Variants in SLC16A7 observed in about 807,000 individuals in gnomAD.
SLC16A7 encodes monocarboxylate transporter 2.
A neutral mutation model predicts 34.9 loss-of-function variants in SLC16A7; 33 were observed. The ratio of observed to expected loss-of-function variants is 0.94; its 90% CI spans 0.72 to 1.26. The LOEUF (loss-of-function observed/expected upper bound fraction) is 1.26. SLC16A7 is among the 50% of genes most tolerant of loss of function. SLC16A7 has a pLI of 0.00. For missense variants in SLC16A7, 573 were observed against 578.1 expected, an observed-to-expected ratio of 0.99 and a Z score of 0.09; for synonymous variants, 201 against 206.6, an observed-to-expected ratio of 0.97 and a Z score of 0.23.
chr12:59,766,955 T>A (rs1881713803), intron 3 of SLC16A7, among the ~76,000 whole-genome samples: 1 of 152,110 alleles, frequency 6.6e-6, no homozygotes, highest in Non-Finnish European at 1.5e-5. Flanking sequence ...TGAATCCATC[T>A]GGTCCTGGGC....
At chr12:59,761,207 A>G (rs576230108) in intron 3 of SLC16A7, 6 of 1,166,000 alleles carry the variant, frequency 5.1e-6, no homozygotes, top group African/African-American at 4.7e-5. Context: ...GCCTAGGTAC[A>G]TGAAACTGTA....
At chr12:59,626,095 A>G (rs1232978186) in intron 1 of SLC16A7, among the ~76,000 whole-genome samples, 1 of 151,854 alleles carries the variant, frequency 6.6e-6, no homozygotes, top group African/African-American at 2.4e-5. Context: ...AAAAAAGAAT[A>G]TATCAGTAGG....
intron 3 of SLC16A7, among the ~76,000 whole-genome samples, chr12:59,727,269 AAC>A (rs1255921714): frequency 6.6e-6 from 1 of 151,946 alleles, no homozygotes; most frequent in Non-Finnish European, 1.5e-5. Flanking sequence ...TGATGACGTT[AAC>A]AGTTTCATCA....
At chr12:59,618,863 T>G (rs1472420228) in intron 1 of SLC16A7, among the ~76,000 whole-genome samples, 5 of 152,102 alleles carry the variant, frequency 3.3e-5, no homozygotes, top group African/African-American at 1.2e-4. Context: ...TAATAAATGA[T>G]ATCTTTGATA....
At position 59,763,152 on chromosome 12, in the gene SLC16A7, T is replaced by C. The variant is rs139584235; in HGVS notation, c.218-8067T>C. The stretch of plus-strand genomic sequence containing the variant: ...AAACATTGACTAGAAATGTCCCTTT[T>C]AATGAAATCAATAGGCATCCTGTAT... On this transcript the variant is annotated intron_variant, in intron 3 of 5. Transcript: ENST00000547379. Among the ~76,000 whole-genome samples, 211 of 152,192 alleles carry C rather than the reference T, an allele frequency of 1.4e-3. 1 individual carries two copies. Among genetic ancestry groups the C allele is most frequent in the Middle Eastern group, 6.8e-3 (2 of 294 alleles).
At chr12:59,606,089 T>G (rs1446895298) in intron 1 of SLC16A7, among the ~76,000 whole-genome samples, 1 of 152,226 alleles carries the variant, frequency 6.6e-6, no homozygotes, top group Non-Finnish European at 1.5e-5. Flanking sequence ...CATTCCATTC[T>G]GTACAAAAGT....
intron 1 of SLC16A7, among the ~76,000 whole-genome samples, chr12:59,633,710 C>T (rs904818004): frequency 2.6e-5 from 4 of 151,450 alleles, no homozygotes; most frequent in Admixed American, 6.6e-5. Flanking sequence ...AGGAAACTTA[C>T]GGTCATGGTG....
At chr12:59,737,332 C>A (rs181596331) in intron 3 of SLC16A7, among the ~76,000 whole-genome samples, 3 of 152,166 alleles carry the variant, frequency 2.0e-5, no homozygotes, top group Non-Finnish European at 4.4e-5. Context: ...GTTAAAAATG[C>A]CAGTGTTTGG....
At chr12:59,684,477 C>T (rs964301553) in intron 2 of SLC16A7, among the ~76,000 whole-genome samples, 1 of 152,208 alleles carries the variant, frequency 6.6e-6, no homozygotes, top group Admixed American at 6.5e-5. Context: ...GTGCTCCCCA[C>T]TCAGCTGCTG....
chr12:59,751,742 G>A (rs2054800310), intron 3 of SLC16A7, among the ~76,000 whole-genome samples: 1 of 152,196 alleles, frequency 6.6e-6, no homozygotes, highest in African/African-American at 2.4e-5. Flanking sequence ...TGACAGCTTT[G>A]AAGAGAGCAG....
At chr12:59,651,750 A>C (rs1295766891) in intron 1 of SLC16A7, among the ~76,000 whole-genome samples, 1 of 152,160 alleles carries the variant, frequency 6.6e-6, no homozygotes, top group East Asian at 1.9e-4. Flanking sequence ...ATGTGATTTT[A>C]CATTTTTGCC....
chr12:59,648,035 C>T (rs1158214170), intron 1 of SLC16A7, among the ~76,000 whole-genome samples: 1 of 152,076 alleles, frequency 6.6e-6, no homozygotes, highest in Admixed American at 6.6e-5. Flanking sequence ...ACCTGGGTGA[C>T]AGAGTGAGAC....
At chr12:59,729,216 G>A (rs747525244) in intron 3 of SLC16A7, among the ~76,000 whole-genome samples, 2 of 152,118 alleles carry the variant, frequency 1.3e-5, no homozygotes, top group Non-Finnish European at 2.9e-5. Context: ...TTACTGTTAA[G>A]GCCTATACAA....
At chr12:59,631,514 A>T (rs920376876) in intron 1 of SLC16A7, among the ~76,000 whole-genome samples, 1 of 151,956 alleles carries the variant, frequency 6.6e-6, no homozygotes, top group African/African-American at 2.4e-5. Context: ...TTTATAACGC[A>T]TTGAGTATAC....
chr12:59,752,086 C>G (rs924518864), intron 3 of SLC16A7, among the ~76,000 whole-genome samples: 5 of 152,020 alleles, frequency 3.3e-5, no homozygotes, highest in Non-Finnish European at 2.9e-5. Flanking sequence ...GAAAGGACAT[C>G]CACACCAAAA....
At chr12:59,701,400 G>A (rs1218756163) in intron 2 of SLC16A7, among the ~76,000 whole-genome samples, 1 of 151,044 alleles carries the variant, frequency 6.6e-6, no homozygotes, top group East Asian at 1.9e-4. Flanking sequence ...ACCATGTAAA[G>A]GAAAATAGGC....
chr12:59,607,426 TA>T (rs1188508140), intron 1 of SLC16A7, among the ~76,000 whole-genome samples: 3 of 152,222 alleles, frequency 2.0e-5, no homozygotes, highest in African/African-American at 7.2e-5. Context: ...TGTCTATGAA[TA>T]TTTTTTGTAA....
At chr12:59,713,486 G>A (rs551741446) in intron 3 of SLC16A7, among the ~76,000 whole-genome samples, 16 of 152,278 alleles carry the variant, frequency 1.1e-4, no homozygotes, top group Non-Finnish European at 2.1e-4. Context: ...GGTGACTTAA[G>A]TTTGATGGAT....
chr12:59,748,529 T>C (rs1341619721), intron 3 of SLC16A7, among the ~76,000 whole-genome samples: 1 of 152,206 alleles, frequency 6.6e-6, no homozygotes, highest in African/African-American at 2.4e-5. Context: ...TTTTGTATCA[T>C]GTTTCGTGCA....
Sources: gnomAD v4.1 joint callset for allele counts (sites outside exome capture counted in the v4.1 genomes callset) on GRCh38, gnomAD v4.1.1 for gene constraint, MANE v1.5 for transcripts, NCBI Gene and HGNC (gene_info 2026-07-23, HGNC 2026-07-21) for gene names.